The following PRKAR1A variants were observed in gnomAD, a reference collection of about 807,000 sequenced individuals.
The protein encoded by PRKAR1A is protein kinase cAMP-dependent type I regulatory subunit alpha.
Under a neutral mutation model 52.0 loss-of-function variants are expected in PRKAR1A, and 3 were observed. That is an observed-to-expected ratio of 0.06 (90% CI 0.03 to 0.15). The LOEUF (loss-of-function observed/expected upper bound fraction) is 0.15, where lower values mean the gene tolerates loss of function less well. Among genes scored for constraint, PRKAR1A ranks in the 10% least tolerant of loss-of-function variants. The probability of loss-of-function intolerance (pLI) is 1.00; values close to 1 mark genes in which losing one functional copy is unlikely to be tolerated. For synonymous variants in PRKAR1A, 188 were observed against 168.4 expected (o/e 1.12, Z -0.90); for missense variants, 240 against 477.4 (o/e 0.50, Z 4.63).
intron 11 of PRKAR1A, among the ~76,000 whole-genome samples, chr17:68,550,059 C>T (rs6501548): frequency 0.18 from 27,987 of 151,908 alleles, 2,689 homozygotes; most frequent in African/African-American, 0.22. Context: ...CTAGTGTAAC[C>T]GGTTACAACG....
At chr17:68,432,170 G>A in the PRKAR1A span, among the ~76,000 whole-genome samples, 1 of 152,180 alleles carries the variant, frequency 6.6e-6, no homozygotes, top group Admixed American at 6.5e-5. Flanking sequence ...GAAAGATGAA[G>A]GAGCGAGAAG....
the PRKAR1A span, among the ~76,000 whole-genome samples, chr17:68,491,086 C>A: frequency 3.0e-5 from 4 of 131,288 alleles, no homozygotes; most frequent in African/African-American, 8.5e-5. Flanking sequence ...ATGATTATTT[C>A]TTTCTTTCTT....
intron 11 of PRKAR1A, among the ~76,000 whole-genome samples, chr17:68,549,502 A>G (rs1177710161): frequency 6.6e-6 from 1 of 152,096 alleles, no homozygotes; most frequent in Admixed American, 6.5e-5. Flanking sequence ...CTCAAAAAAA[A>G]AAAAAAAGTT....
the PRKAR1A span, chr17:68,427,506 A>G: frequency 7.1e-4 from 203 of 284,998 alleles, no homozygotes; most frequent in Middle Eastern, 5.6e-3. Context: ...ACAGGCACCC[A>G]CCACAGCGCC....
chr17:68,419,931 C>A, the PRKAR1A span, among the ~76,000 whole-genome samples: 3 of 152,094 alleles, frequency 2.0e-5, no homozygotes, highest in African/African-American at 7.2e-5. Context: ...TGCATTCCAG[C>A]CTGGGCAACG....
rs2086013456 is a variant in PRKAR1A, at chr17:68,532,803, T to C, written c.*2354T>C. The C allele has an allele frequency of 4.7e-6, 5 of 1,066,378 alleles. No individual in the cohort carries two copies. In the Admixed American group the frequency reaches 2.1e-4, roughly 45 times the overall value. 66.1% of individuals were successfully genotyped at this position (1,066,378 alleles called of 1,614,324 possible). On this transcript the variant is annotated 3_prime_UTR_variant, in exon 11 of 11. Transcript: ENST00000589228. ...GTTTTTCTTCCCTTTCTCCTTTCCG[T>C]CTTTCCTCTCTCTGTCCTTCCCCGA...
chr17:68,534,140 T>C (rs1568709857), downstream of PRKAR1A, among the ~76,000 whole-genome samples: 1 of 152,250 alleles, frequency 6.6e-6, no homozygotes, highest in African/African-American at 2.4e-5. Flanking sequence ...GTTATGTACA[T>C]GTACCGCTAA....
chr17:68,434,694 A>G, the PRKAR1A span: 1 of 1,540,264 alleles, frequency 6.5e-7, no homozygotes, highest in East Asian at 2.3e-5. Context: ...CCCTTTAGAG[A>G]GGAGTTTGTT....
upstream of PRKAR1A, among the ~76,000 whole-genome samples, chr17:68,511,499 G>A (rs2085263859): frequency 6.6e-6 from 1 of 152,102 alleles, no homozygotes; most frequent in Non-Finnish European, 1.5e-5. Context: ...GGGCATTTTT[G>A]ACAATCTGCA....
At chr17:68,544,158 T>G (rs920731115) in intron 11 of PRKAR1A, among the ~76,000 whole-genome samples, 1 of 152,032 alleles carries the variant, frequency 6.6e-6, no homozygotes, top group African/African-American at 2.4e-5. Flanking sequence ...AATGGAAAAG[T>G]GGCCCAGAAA....
the PRKAR1A span, among the ~76,000 whole-genome samples, chr17:68,459,850 AT>A: frequency 0.3 from 43,488 of 147,226 alleles, 6,251 homozygotes; most frequent in African/African-American, 0.33. Flanking sequence ...TCAGGTTTTA[AT>A]TTTTTTTTTT....
rs2086029597 is a variant in PRKAR1A at position 68,533,389 on chromosome 17, G to A, written c.*2940G>A. ...TAATCCCTTCCCCCCGTCCTCTGGAGTATGAAACCTTTAGAGTCACAATAA... is the reference window on the plus strand; with the variant it reads ...TAATCCCTTCCCCCCGTCCTCTGGAATATGAAACCTTTAGAGTCACAATAA... On this transcript the variant is annotated 3_prime_UTR_variant, in exon 11 of 11. Coordinates refer to ENST00000589228, the MANE Select transcript of PRKAR1A (RefSeq NM_002734.5). The A allele has an allele frequency of 5.7e-6, 6 of 1,060,928 alleles. No homozygotes were observed. The Admixed American group carries it at 3.2e-4, about 57-fold the overall frequency. The allele number at this position is 1,060,928 out of a possible 1,614,324, so 65.7% of individuals were successfully genotyped here. A position where few individuals can be genotyped will look rare whatever the true frequency, so the allele number is the denominator to read the frequency against.
chr17:68,531,569 C>A lies in PRKAR1A; in HGVS notation c.*1120C>A, dbSNP rs1200740886. 9.4e-7 allele frequency: 1 copy of A among 1,066,078 alleles called. No individual in the cohort carries two copies. The highest frequency in any genetic ancestry group is 1.6e-5 in the African/African-American group (1 of 61,062). 66.0% of individuals were successfully genotyped at this position (1,066,078 alleles called of 1,614,324 possible). A position where few individuals can be genotyped will look rare whatever the true frequency, so the allele number is the denominator to read the frequency against. On this transcript the variant is annotated 3_prime_UTR_variant, in exon 11 of 11. Coordinates refer to ENST00000589228, the MANE Select transcript of PRKAR1A (RefSeq NM_002734.5). ...TTTACTTTGGTTTAGTCTTTTTTTC[C>A]TTCCTTTTTATTCAGCTAGAATTTC...
At chr17:68,478,930 G>A in the PRKAR1A span, among the ~76,000 whole-genome samples, 1 of 152,156 alleles carries the variant, frequency 6.6e-6, no homozygotes, top group African/African-American at 2.4e-5. Context: ...GTTTCACCAT[G>A]TTGGTCAGGC....
intron 11 of PRKAR1A, chr17:68,540,971 A>G: frequency 6.4e-7 from 1 of 1,571,410 alleles, no homozygotes; most frequent in Non-Finnish European, 8.6e-7. Context: ...GAGGGGGAGA[A>G]GAAGTCCTGG....
chr17:68,522,120 T>C (rs1466699296), intron 2 of PRKAR1A, among the ~76,000 whole-genome samples: 1 of 152,246 alleles, frequency 6.6e-6, no homozygotes, highest in Admixed American at 6.5e-5. Flanking sequence ...AATTCGTGGT[T>C]ACCATCACAT....
chr17:68,457,701 C>A, the PRKAR1A span, among the ~76,000 whole-genome samples: 2 of 152,144 alleles, frequency 1.3e-5, no homozygotes, highest in Non-Finnish European at 2.9e-5. Flanking sequence ...CCATTGGCCA[C>A]GAGCCCAAGC....
chr17:68,421,720 C>T, the PRKAR1A span: 3 of 1,613,470 alleles, frequency 1.9e-6, no homozygotes, highest in Non-Finnish European at 2.5e-6. Flanking sequence ...TCCTTGTTTT[C>T]TCCAAAACCA....
the PRKAR1A span, chr17:68,430,283 T>G: frequency 1.0e-6 from 1 of 960,670 alleles, no homozygotes; most frequent in Non-Finnish European, 1.5e-6. Flanking sequence ...TGCCTTAGCA[T>G]AATGTTCTGC....
Sources: allele counts gnomAD v4.1 joint callset (sites outside exome capture counted in the v4.1 genomes callset), GRCh38; gene constraint gnomAD v4.1.1; transcripts MANE v1.5; gene names NCBI Gene and HGNC (gene_info 2026-07-23, HGNC 2026-07-21).